The following BLTP1 variants were observed in gnomAD, a reference collection of about 807,000 sequenced individuals.
BLTP1 encodes bridge-like lipid transfer protein family member 1, also known as fragile site-associated protein.
the BLTP1 span, chr4:122,349,061 T>C: frequency 9.6e-7 from 1 of 1,043,868 alleles, no homozygotes; most frequent in Non-Finnish European, 1.3e-6. The surrounding 1 kb of genome is among the most constrained non-coding windows in gnomAD (Gnocchi z 4.5). Context: ...AACTTGACCT[T>C]TTAAATAATC....
chr4:122,249,447 T>A, the BLTP1 span: 1 of 1,602,568 alleles, frequency 6.2e-7, no homozygotes, highest in Non-Finnish European at 8.5e-7. Flanking sequence ...TAAGCTTATG[T>A]CTTTAAAAAT....
chr4:122,165,071 G>A, the BLTP1 span, among the ~76,000 whole-genome samples: 1 of 151,842 alleles, frequency 6.6e-6, no homozygotes, highest in Non-Finnish European at 1.5e-5. Flanking sequence ...CACCTATGTT[G>A]TCACATTTTT....
chr4:122,349,980 T>C, the BLTP1 span: 1 of 1,613,936 alleles, frequency 6.2e-7, no homozygotes, highest in Non-Finnish European at 8.5e-7. The surrounding 1 kb of genome is among the most constrained non-coding windows in gnomAD (Gnocchi z 4.5). Context: ...AACAATTTGA[T>C]ACCAGCAAAC....
the BLTP1 span, chr4:122,302,277 A>G: frequency 1.0e-6 from 1 of 980,062 alleles, no homozygotes; most frequent in African/African-American, 1.7e-5. Flanking sequence ...TTATCAGTTC[A>G]TTAGACATAT....
At chr4:122,294,604 C>CA in the BLTP1 span, among the ~76,000 whole-genome samples, 1 of 152,234 alleles carries the variant, frequency 6.6e-6, no homozygotes, top group Non-Finnish European at 1.5e-5. Flanking sequence ...CAACCCCATT[C>CA]AGAGGTCAGC....
chr4:122,166,119 T>G, the BLTP1 span, among the ~76,000 whole-genome samples: 2 of 152,290 alleles, frequency 1.3e-5, no homozygotes, highest in South Asian at 4.1e-4. Flanking sequence ...TGCCATTGCT[T>G]TTGGTATTTT....
the BLTP1 span, chr4:122,167,905 C>T: frequency 1.0e-6 from 1 of 985,230 alleles, no homozygotes; most frequent in Non-Finnish European, 1.2e-6. Flanking sequence ...CCGTTTGCTC[C>T]ATGAAGATTT....
chr4:122,242,379 A>G, the BLTP1 span, among the ~76,000 whole-genome samples: 1 of 152,204 alleles, frequency 6.6e-6, no homozygotes, highest in East Asian at 1.9e-4. Context: ...AAGGCACTAA[A>G]AGACAAATAC....
the BLTP1 span, chr4:122,315,781 G>A: frequency 8.8e-7 from 1 of 1,137,804 alleles, no homozygotes; most frequent in Non-Finnish European, 1.3e-6. Flanking sequence ...TATTATAGTT[G>A]CTATTTGTGG....
chr4:122,276,142 T>C, the BLTP1 span: 13 of 825,888 alleles, frequency 1.6e-5, no homozygotes, highest in Admixed American at 3.9e-5. Context: ...AGCTGTAATA[T>C]AGGCCCTTTT....
At chr4:122,316,540 T>C in the BLTP1 span, 1 of 658,234 alleles carries the variant, frequency 1.5e-6, no homozygotes, top group Admixed American at 2.2e-5. Context: ...AGCACACTCA[T>C]GGGGAAACGT....
chr4:122,256,797 A>T, the BLTP1 span: 1 of 506,476 alleles, frequency 2.0e-6, no homozygotes, highest in Non-Finnish European at 2.5e-6. Context: ...ATACTACATA[A>T]GTTATAGTAA....
the BLTP1 span, chr4:122,344,761 A>G: frequency 1.5e-6 from 2 of 1,323,824 alleles, no homozygotes; most frequent in Non-Finnish European, 1.9e-6. Context: ...CTAGATAAAT[A>G]GACATATCAC....
chr4:122,279,411 T>C, the BLTP1 span, among the ~76,000 whole-genome samples: 9 of 152,222 alleles, frequency 5.9e-5, no homozygotes, highest in African/African-American at 2.4e-5. Context: ...CCCCAAAGGC[T>C]TTTTATAAAG....
At chr4:122,200,745 G>C in the BLTP1 span, 154 of 951,532 alleles carry the variant, frequency 1.6e-4, 1 homozygote, top group Non-Finnish European at 1.9e-4. Context: ...GGTTTATCTG[G>C]AGTGCAGTAT....
the BLTP1 span, among the ~76,000 whole-genome samples, chr4:122,282,481 A>G: frequency 1.3e-5 from 2 of 152,132 alleles, no homozygotes; most frequent in African/African-American, 4.8e-5. Flanking sequence ...ATCTCTGTTA[A>G]AAATACAAAA....
the BLTP1 span, among the ~76,000 whole-genome samples, chr4:122,342,362 A>T: frequency 5.7e-4 from 85 of 149,800 alleles, no homozygotes; most frequent in African/African-American, 2.0e-3. Flanking sequence ...TTATTTATTT[A>T]TTTTTTTTTT....
the BLTP1 span, among the ~76,000 whole-genome samples, chr4:122,160,523 C>A: frequency 6.6e-6 from 1 of 152,106 alleles, no homozygotes; most frequent in African/African-American, 2.4e-5. Flanking sequence ...TTGCAGTAGA[C>A]ACATATTTTG....
chr4:122,344,635 T>A, the BLTP1 span: 1 of 1,251,764 alleles, frequency 8.0e-7, no homozygotes. Context: ...TTTAATAGTG[T>A]TTAAATATTA....
Sources: allele counts gnomAD v4.1 joint callset (sites outside exome capture counted in the v4.1 genomes callset), GRCh38; gene constraint gnomAD v4.1.1; non-coding constraint Gnocchi (gnomAD v3.1); transcripts MANE v1.5; gene names NCBI Gene and HGNC (gene_info 2026-07-23, HGNC 2026-07-21).